DERL1: variants seen among roughly 807,000 people sequenced by gnomAD.
DERL1 encodes derlin-1.
In DERL1, 24 loss-of-function variants were observed where a neutral mutation model predicts 41.6. That is an observed-to-expected ratio of 0.58 (90% confidence interval 0.42 to 0.81). The LOEUF (loss-of-function observed/expected upper bound fraction) is 0.81, where lower values mean the gene tolerates loss of function less well. Ranked by LOEUF, DERL1 falls within the 30% of genes least tolerant of loss-of-function variation. The pLI is 0.00. For synonymous variants in DERL1, 124 were observed against 112.5 expected (o/e 1.10, Z -0.65); for missense variants, 260 against 314.3 (o/e 0.83, Z 1.31).
In DERL1 at chr8:123,013,923, G is replaced by A. The variant is rs1814484115; in HGVS notation, c.*1524C>T. 6.6e-6 allele frequency: 1 copy of A among 152,126 alleles called. No homozygotes were observed. Among genetic ancestry groups the A allele is most frequent in the Non-Finnish European group, 1.5e-5 (1 of 68,036 alleles). The allele number at this position is 152,126 out of a possible 1,614,324, so 9.4% of individuals were successfully genotyped here. Reference sequence around the variant, plus strand: ...TACACACAAACTCTATTCAAAATGAGAAGTTGTTTGCCAACTCTCATTTCC... The same window carrying A: ...TACACACAAACTCTATTCAAAATGAAAAGTTGTTTGCCAACTCTCATTTCC... On this transcript the variant is annotated 3_prime_UTR_variant, in exon 8 of 8. Coordinates refer to ENST00000259512, the MANE Select transcript of DERL1 (RefSeq NM_024295.6).
rs1190916416 is a variant in DERL1 at position 123,030,619 on chromosome 8, G to A, written c.251C>T (p.Thr84Met). Residue 84 changes from threonine to methionine, a missense_variant, in exon 2 of 8, where the codon ACG becomes ATG. By Grantham distance (81) the Thr-to-Met change is moderately conservative. Transcript: ENST00000259512. ...GGGTAACATACCTGTTTCAAGTCGC[G>A]TAGAATACTGATATAAGAAATATAA... is the stretch of plus-strand genomic sequence containing the variant. ...VNLYFLYQYS[T>M]RLETGAFDGR... 4 of 1,600,538 alleles carry A rather than the reference G, an allele frequency of 2.5e-6. No homozygotes were observed. Among genetic ancestry groups the A allele is most frequent in the East Asian group, 2.2e-5 (1 of 44,622 alleles).
Position 123,042,222 on chromosome 8 carries a change from G to A in DERL1, c.-100C>T, listed in dbSNP as rs575226110. On this transcript the variant is annotated 5_prime_UTR_variant, in exon 1 of 8. Coordinates refer to ENST00000259512, the MANE Select transcript of DERL1 (RefSeq NM_024295.6). ...TCCGCGACTGTTAGGTGTCTAGGTG[G>A]AAGCCGCCGAAGCCGCGATGCAGAA... 23 of 1,366,214 alleles carry A rather than the reference G, an allele frequency of 1.7e-5. No homozygotes were observed. The highest frequency in any genetic ancestry group is 2.1e-5 in the Non-Finnish European group (22 of 1,047,162). The allele number at this position is 1,366,214 out of a possible 1,614,324, so 84.6% of individuals were successfully genotyped here. A position where few individuals can be genotyped will look rare whatever the true frequency, so the allele number is the denominator to read the frequency against.
At chr8:123,028,532 T>C (rs1812752946) in intron 2 of DERL1, among the ~76,000 whole-genome samples, 1 of 152,190 alleles carries the variant, frequency 6.6e-6, no homozygotes, top group African/African-American at 2.4e-5. Flanking sequence ...ATTGTGGTGA[T>C]GGCTGCATAA....
intron 1 of DERL1, among the ~76,000 whole-genome samples, chr8:123,039,788 A>T (rs866411997): frequency 6.6e-6 from 1 of 152,214 alleles, no homozygotes; most frequent in Non-Finnish European, 1.5e-5. Context: ...CCAACAACTC[A>T]GTTAATATAT....
intron 5 of DERL1, among the ~76,000 whole-genome samples, chr8:123,022,162 C>G (rs960406758): frequency 2.0e-5 from 3 of 152,086 alleles, no homozygotes; most frequent in African/African-American, 7.2e-5. Flanking sequence ...ATTGAAAAAG[C>G]CCAAACGTAA....
At position 123,035,411 on chromosome 8, in the gene DERL1, G is replaced by A. The variant is rs16897901; in HGVS notation, c.154-4695C>T. Among the ~76,000 whole-genome samples, 995 of 151,976 alleles carry A rather than the reference G, an allele frequency of 6.5e-3. 12 individuals carry two copies. Among genetic ancestry groups the A allele is most frequent in the African/African-American group, 0.023 (944 of 41,446 alleles). ...TCCAACTAAATCCCATTTTTTCCTC[G>A]ACCTGATATGTAAACAGTAAGGAGA... On this transcript the variant is annotated intron_variant, in intron 1 of 7. Coordinates refer to ENST00000259512, the MANE Select transcript of DERL1 (RefSeq NM_024295.6).
At chr8:123,040,878 C>T (rs1455312934) in intron 1 of DERL1, among the ~76,000 whole-genome samples, 2 of 152,150 alleles carry the variant, frequency 1.3e-5, no homozygotes. Context: ...CAGTTTTGGA[C>T]ACGTTAAGAT....
At chr8:123,027,543 G>T (rs1440742505) in intron 2 of DERL1, among the ~76,000 whole-genome samples, 1 of 152,154 alleles carries the variant, frequency 6.6e-6, no homozygotes, top group Non-Finnish European at 1.5e-5. Context: ...GTTAAAAAAT[G>T]CCTCTCAGCT....
intron 6 of DERL1, among the ~76,000 whole-genome samples, chr8:123,020,648 G>T (rs1157368229): frequency 6.6e-6 from 1 of 151,026 alleles, no homozygotes; most frequent in Non-Finnish European, 1.5e-5. Flanking sequence ...ACCCTGGTTG[G>T]CCAAAAGTTC....
rs1017726235 is a variant in DERL1, at chr8:123,035,705, T to C, written c.154-4989A>G. On this transcript the variant is annotated intron_variant, in intron 1 of 7. Coordinates refer to ENST00000259512, the MANE Select transcript of DERL1 (RefSeq NM_024295.6). The stretch of plus-strand genomic sequence containing the variant: ...ACTTAACAAGGACATGTAGCCCATG[T>C]GCTCACTGCTATATACACCCTTAAA... 3.3e-5 allele frequency among the ~76,000 whole-genome samples: 5 copies of C among 152,306 alleles called. 1 individual carries two copies. The highest frequency in any genetic ancestry group is 1.2e-4 in the African/African-American group (5 of 41,584).
intron 3 of DERL1, among the ~76,000 whole-genome samples, chr8:123,024,745 CA>C (rs1408844973): frequency 6.6e-6 from 1 of 152,110 alleles, no homozygotes; most frequent in Non-Finnish European, 1.5e-5. Flanking sequence ...GAAGAGGGAA[CA>C]GTCATAAAAC....
intron 7 of DERL1, 87 bp from the exon 8 acceptor site, chr8:123,015,672 C>T: frequency 6.8e-7 from 1 of 1,469,638 alleles, no homozygotes; most frequent in Non-Finnish European, 9.0e-7. Flanking sequence ...ACACCTCCCT[C>T]TCCTGCTGTT....
Position 123,036,682 on chromosome 8 carries a change from G to A in DERL1, c.153+5288C>T, listed in dbSNP as rs141946964. ...ACAGCAGAACTGTTCAACATGGACA[G>A]GACTACTAAGGAAAGATCTTAAATT... On this transcript the variant is annotated intron_variant, in intron 1 of 7. Transcript: ENST00000259512. 8.1e-4 allele frequency among the ~76,000 whole-genome samples: 123 copies of A among 152,274 alleles called. 1 individual carries two copies. Among genetic ancestry groups the A allele is most frequent in the African/African-American group, 2.9e-3 (121 of 41,556 alleles).
intron 2 of DERL1, among the ~76,000 whole-genome samples, chr8:123,028,224 C>T (rs1335354696): frequency 6.6e-6 from 1 of 151,952 alleles, no homozygotes; most frequent in African/African-American, 2.4e-5. Context: ...GGGTGGAGGA[C>T]AGCAATAGAT....
At chr8:123,027,427 G>T (rs561331360) in intron 2 of DERL1, among the ~76,000 whole-genome samples, 10 of 152,032 alleles carry the variant, frequency 6.6e-5, no homozygotes, top group South Asian at 6.2e-4. Context: ...ATAAAAATGG[G>T]TGTGATAATG....
chr8:123,015,344 T>C lies in DERL1; in HGVS notation c.*103A>G, dbSNP rs1814530355. ...TCTCGTACTGAAAGACTACATTCAGTGTGGGTCAGGTCCAACAGTGTTAGC... is the reference window on the plus strand; with the variant it reads ...TCTCGTACTGAAAGACTACATTCAGCGTGGGTCAGGTCCAACAGTGTTAGC... On this transcript the variant is annotated 3_prime_UTR_variant, in exon 8 of 8. Transcript: ENST00000259512. The C allele has an allele frequency of 3.5e-6, 5 of 1,412,300 alleles. No homozygotes were observed. The East Asian group carries it at 7.2e-5, about 20-fold the overall frequency. 87.5% of individuals were successfully genotyped at this position (1,412,300 alleles called of 1,614,324 possible).
chr8:123,026,303 T>C (rs557065208), intron 2 of DERL1, among the ~76,000 whole-genome samples: 1 of 152,228 alleles, frequency 6.6e-6, no homozygotes, highest in South Asian at 2.1e-4. Flanking sequence ...ATAATAGCTG[T>C]GCTTCTTTTG....
At chr8:123,021,284 C>A (rs1466446638) in intron 6 of DERL1, among the ~76,000 whole-genome samples, 163 bp downstream of exon 6, 1 of 152,198 alleles carries the variant, frequency 6.6e-6, no homozygotes, top group Non-Finnish European at 1.5e-5. Context: ...TAAAGCCCTG[C>A]AATCTAATCA....
At chr8:123,028,195 T>C (rs530138072) in intron 2 of DERL1, among the ~76,000 whole-genome samples, 3 of 152,178 alleles carry the variant, frequency 2.0e-5, no homozygotes, top group Non-Finnish European at 4.4e-5. Flanking sequence ...ATGCCTGGCA[T>C]TTTGCTTCAA....
Sources: gnomAD v4.1 joint callset for allele counts (sites outside exome capture counted in the v4.1 genomes callset) on GRCh38, gnomAD v4.1.1 for gene constraint, MANE v1.5 for transcripts, NCBI Gene and HGNC (gene_info 2026-07-23, HGNC 2026-07-21) for gene names.